Variants in CTDNEP1 observed in about 807,000 individuals in gnomAD.
The protein encoded by CTDNEP1 is CTD nuclear envelope phosphatase 1.
CTDNEP1 carries 3 observed loss-of-function variants against 30.1 expected under a neutral mutation model. The observed-to-expected ratio is 0.10, with a 90% confidence interval of 0.05 to 0.26. The LOEUF (loss-of-function observed/expected upper bound fraction) is 0.26. Among genes scored for constraint, CTDNEP1 ranks in the 10% least tolerant of loss-of-function variants. CTDNEP1 has a pLI of 1.00. For missense variants in CTDNEP1, 158 were observed against 310.4 expected (o/e 0.51, Z 3.69); for synonymous variants, 123 against 118.8 (o/e 1.04, Z -0.23).
intron 7 of CTDNEP1, 129 bp from the exon 8 acceptor site, chr17:7,244,374 T>C: frequency 8.1e-7 from 1 of 1,232,582 alleles, no homozygotes; most frequent in Non-Finnish European, 1.2e-6. Flanking sequence ...ATAGGTTCAA[T>C]TTGCCCACAG....
At chr17:7,248,728 C>G (rs1002006530) in intron 1 of CTDNEP1, among the ~76,000 whole-genome samples, 5 of 152,216 alleles carry the variant, frequency 3.3e-5, no homozygotes, top group Non-Finnish European at 7.3e-5. Flanking sequence ...ACGCAACCTT[C>G]ACCCCAAGAA....
rs1427058083 is a variant in CTDNEP1, at chr17:7,246,743, A to G, written c.360+48T>C. The stretch of plus-strand genomic sequence containing the variant: ...AAATCCTCCCAATTCCCAGAGCCCT[A>G]AAACCATTCCTTCATTACAGAGCTC... On this transcript the variant is annotated intron_variant, in intron 4 of 7. Coordinates refer to ENST00000574322, the MANE Select transcript of CTDNEP1 (RefSeq NM_001143775.2). The surrounding 1 kb of genome is among the most constrained non-coding windows in gnomAD (Gnocchi z 4.9). 2.0e-6 allele frequency: 3 copies of G among 1,520,858 alleles called. No individual in the cohort carries two copies. Among genetic ancestry groups the G allele is most frequent in the East Asian group, 4.5e-5 (2 of 44,432 alleles). 94.2% of individuals were successfully genotyped at this position (1,520,858 alleles called of 1,614,324 possible).
At chr17:7,249,113 G>A (rs528646603) in intron 1 of CTDNEP1, among the ~76,000 whole-genome samples, 29 of 152,184 alleles carry the variant, frequency 1.9e-4, no homozygotes, top group Admixed American at 3.9e-4. Context: ...GGACAAGGAC[G>A]TCACCACCTC....
chr17:7,251,058 C>T, intron 1 of CTDNEP1, 137 bp downstream of exon 1: 1 of 588,048 alleles, frequency 1.7e-6, no homozygotes, highest in African/African-American at 2.0e-5. Flanking sequence ...AATTCTCTGG[C>T]GAGAAAAGCC....
At chr17:7,251,826 G>C (rs924755114), upstream of CTDNEP1, 1 of 154,172 alleles carries the variant, frequency 6.5e-6, no homozygotes, top group Non-Finnish European at 1.4e-5. Flanking sequence ...AGGGAAGGAG[G>C]GGGAGGGGGA....
At chr17:7,248,154 G>A (rs147462883) in intron 1 of CTDNEP1, among the ~76,000 whole-genome samples, 2,130 of 149,672 alleles carry the variant, frequency 0.014, 41 homozygotes, top group African/African-American at 0.049. Flanking sequence ...CCAGCTACTC[G>A]GGAGGCTGAG....
chr17:7,249,937 G>C (rs1296772635), intron 1 of CTDNEP1, among the ~76,000 whole-genome samples: 1 of 151,868 alleles, frequency 6.6e-6, no homozygotes, highest in Non-Finnish European at 1.5e-5. Context: ...CCAGGAGATA[G>C]CCCCACACAT....
At chr17:7,248,185 C>CAGGA (rs1304213683) in intron 1 of CTDNEP1, among the ~76,000 whole-genome samples, 1 of 134,992 alleles carries the variant, frequency 7.4e-6, no homozygotes, top group Non-Finnish European at 1.5e-5. Flanking sequence ...GGCTTGAACC[C>CAGGA]AGGAGGCAGA....
rs2071805204 is a variant in CTDNEP1 at position 7,243,782 on chromosome 17, A to C, written c.*403T>G. 3 of 262,618 alleles carry C rather than the reference A, an allele frequency of 1.1e-5. No individual in the cohort carries two copies. The highest frequency in any genetic ancestry group is 1.8e-3 in the Middle Eastern group (1 of 566). The allele number at this position is 262,618 out of a possible 1,614,324, so 16.3% of individuals were successfully genotyped here. A position where few individuals can be genotyped will look rare whatever the true frequency, so the allele number is the denominator to read the frequency against. On this transcript the variant is annotated 3_prime_UTR_variant, in exon 8 of 8. Transcript: ENST00000574322. The stretch of plus-strand genomic sequence containing the variant: ...AGCCCAGCCCTTGGAGCAGGAGTGA[A>C]GAATTAGATCAGTTTTGTACAAGAG...
chr17:7,251,111 C>G, intron 1 of CTDNEP1, 84 bp downstream of exon 1: 1 of 961,346 alleles, frequency 1.0e-6, no homozygotes, highest in Non-Finnish European at 1.5e-6. Flanking sequence ...AGGCCCGACA[C>G]TCCGAAAACC....
rs1205846591 is a variant in CTDNEP1, at chr17:7,245,067, C to T, written c.590-432G>A. Among the ~76,000 whole-genome samples, 4 of 152,074 alleles carry T rather than the reference C, an allele frequency of 2.6e-5. 1 individual carries two copies. The highest frequency in any genetic ancestry group is 3.9e-4 in the East Asian group (2 of 5,176). On this transcript the variant is annotated intron_variant, in intron 6 of 7. Coordinates refer to ENST00000574322, the MANE Select transcript of CTDNEP1 (RefSeq NM_001143775.2). ...CAGCACTTTGGGAGGCCAAAGCGGA[C>T]GAATCACGAGGTCAGGAATTCAAGA... is the stretch of plus-strand genomic sequence containing the variant.
chr17:7,243,854 T>G lies in CTDNEP1; in HGVS notation c.*331A>C, dbSNP rs922058056. 1.1e-6 allele frequency: 1 copy of G among 914,252 alleles called. No individual in the cohort carries two copies. The highest frequency in any genetic ancestry group is 1.7e-5 in the African/African-American group (1 of 57,780). The allele number at this position is 914,252 out of a possible 1,614,324, so 56.6% of individuals were successfully genotyped here. A position where few individuals can be genotyped will look rare whatever the true frequency, so the allele number is the denominator to read the frequency against. On this transcript the variant is annotated 3_prime_UTR_variant, in exon 8 of 8. Transcript: ENST00000574322. ...ACAACAAAGCTGACTTGGCTTCTCT[T>G]TGAGCCTCCTGGATCACCGTATGTC...
At chr17:7,251,160 C>A (rs760972042) in intron 1 of CTDNEP1, 35 bp downstream of exon 1, 7 of 1,474,198 alleles carry the variant, frequency 4.7e-6, no homozygotes, top group Non-Finnish European at 9.2e-7. Flanking sequence ...CACCGCCAGA[C>A]GTCCCCAACA....
rs2071807493 is a variant in CTDNEP1 at position 7,243,972 on chromosome 17, G to A, written c.*213C>T. 1.4e-6 allele frequency: 2 copies of A among 1,386,926 alleles called. No individual in the cohort carries two copies. The highest frequency in any genetic ancestry group is 1.5e-5 in the African/African-American group (1 of 68,634). 85.9% of individuals were successfully genotyped at this position (1,386,926 alleles called of 1,614,324 possible). On this transcript the variant is annotated 3_prime_UTR_variant, in exon 8 of 8. Transcript: ENST00000574322. Reference sequence around the variant, plus strand: ...CCAGTCTGGGGTTTCCATGGAGTGTGAACACGAAGTTAAGAGTGAGGCTGC... The same window carrying A: ...CCAGTCTGGGGTTTCCATGGAGTGTAAACACGAAGTTAAGAGTGAGGCTGC...
At chr17:7,244,749 G>C in intron 6 of CTDNEP1, 114 bp from the exon 7 acceptor site, 2 of 791,074 alleles carry the variant, frequency 2.5e-6, no homozygotes, top group Non-Finnish European at 3.9e-6. Context: ...CCCACTACCG[G>C]AAGTCAACAA....
Position 7,245,585 on chromosome 17 carries a change from G to A in CTDNEP1, c.589+441C>T, listed in dbSNP as rs567705811. Among the ~76,000 whole-genome samples, 519 of 151,778 alleles carry A rather than the reference G, an allele frequency of 3.4e-3. 3 individuals carry two copies. The highest frequency in any genetic ancestry group is 7.9e-3 in the South Asian group (38 of 4,796). ...GCAATCTCGGCTCACTGCAACCTCCGCCTCCCGGGTTCAAGCGATTCTCCT... is the reference window on the plus strand; with the variant it reads ...GCAATCTCGGCTCACTGCAACCTCCACCTCCCGGGTTCAAGCGATTCTCCT... On this transcript the variant is annotated intron_variant, in intron 6 of 7. Transcript: ENST00000574322.
chr17:7,246,485 A>G lies in CTDNEP1; in HGVS notation c.361-115T>C. 1 of 802,456 alleles carries G rather than the reference A, an allele frequency of 1.2e-6. No individual in the cohort carries two copies. Among genetic ancestry groups the G allele is most frequent in the East Asian group, 2.5e-5 (1 of 40,786 alleles). 49.7% of individuals were successfully genotyped at this position (802,456 alleles called of 1,614,324 possible). On this transcript the variant is annotated intron_variant, in intron 4 of 7. Coordinates refer to ENST00000574322, the MANE Select transcript of CTDNEP1 (RefSeq NM_001143775.2). This position sits in a 1 kb window ranked among gnomAD's most constrained non-coding sequence, Gnocchi z 4.9. ...CCTTCAGGCCTTCCATCAACATCAA[A>G]TGTCTCTGAGGACACGAAATTCTGA...
In CTDNEP1 at chr17:7,246,270, C is replaced by G. The variant is rs1221494482; in HGVS notation, c.461G>C (p.Arg154Thr). 1 of 1,612,844 alleles carries G rather than the reference C, an allele frequency of 6.2e-7. No individual in the cohort carries two copies. The highest frequency in any genetic ancestry group is 2.2e-5 in the East Asian group (1 of 44,882). Residue 154 changes from arginine (R) to threonine (T), a missense_variant, in exon 5 of 8, where the codon AGG (arginine) becomes ACG (threonine). Around this residue, in one of 2 missense-constraint regions of CTDNEP1, gnomAD observed 96 missense variants for 229.1 expected, o/e 0.42. Transcript: ENST00000574322. This position sits in a 1 kb window ranked among gnomAD's most constrained non-coding sequence, Gnocchi z 4.9. ...KLDNSRSILKRRYYRQHCTLE... is the reference protein window; with the variant it reads ...KLDNSRSILKTRYYRQHCTLE... ...CTAGCTTACCTGTCTGTAATATCTCCTCTTAAGAATGCTTCTGCTATTGTC... is the reference window on the plus strand; with the variant it reads ...CTAGCTTACCTGTCTGTAATATCTCGTCTTAAGAATGCTTCTGCTATTGTC...
intron 6 of CTDNEP1, 28 bp downstream of exon 6, chr17:7,245,998 C>T (rs1489737824): frequency 6.7e-7 from 1 of 1,492,628 alleles, no homozygotes; most frequent in East Asian, 2.3e-5. Context: ...TGTTCTGGTC[C>T]TGCCAGACTC....
Sources: gnomAD v4.1 joint callset for allele counts (sites outside exome capture counted in the v4.1 genomes callset) on GRCh38, gnomAD v4.1.1 for gene constraint, gnomAD v4.1.1 regional missense constraint, Gnocchi (gnomAD v3.1) non-coding constraint, MANE v1.5 for transcripts, NCBI Gene and HGNC (gene_info 2026-07-23, HGNC 2026-07-21) for gene names.